The following SULF2 variants were observed in gnomAD, a reference collection of about 807,000 sequenced individuals.
The protein encoded by SULF2 is sulfatase 2.
In SULF2, 52 loss-of-function variants were observed where a neutral mutation model predicts 107.7. The observed-to-expected ratio is 0.48, with a 90% CI of 0.39 to 0.61. The LOEUF is 0.61. SULF2 is among the 20% of genes least tolerant of loss of function. The pLI is 0.00. For synonymous variants in SULF2, 460 were observed against 464.3 expected, an observed-to-expected ratio of 0.99 and a Z score of 0.12; for missense variants, 993 against 1,177.3, an observed-to-expected ratio of 0.84 and a Z score of 2.29.
intron 4 of SULF2, among the ~76,000 whole-genome samples, chr20:47,693,034 A>G (rs989003207): frequency 6.6e-6 from 1 of 152,194 alleles, no homozygotes; most frequent in African/African-American, 2.4e-5. Flanking sequence ...GGAGAAAGTT[A>G]CTTGCTTCTT....
chr20:47,741,835 C>T (rs936049726), intron 2 of SULF2, among the ~76,000 whole-genome samples: 2 of 152,244 alleles, frequency 1.3e-5, no homozygotes, highest in Admixed American at 1.3e-4. Context: ...CAGGCCGTCA[C>T]CTGATGAAAT....
intron 3 of SULF2, among the ~76,000 whole-genome samples, chr20:47,708,500 A>AT: frequency 6.6e-6 from 1 of 152,236 alleles, no homozygotes; most frequent in African/African-American, 2.4e-5. Context: ...CCTTTTGTGC[A>AT]TTTTCCTGGA....
intron 1 of SULF2, among the ~76,000 whole-genome samples, chr20:47,781,909 C>T (rs1269081003): frequency 2.2e-4 from 33 of 152,094 alleles, no homozygotes; most frequent in Non-Finnish European, 4.4e-5. Flanking sequence ...GGCAGAGGAG[C>T]GGTGGATAGG....
At chr20:47,716,600 T>C (rs1364699627) in intron 3 of SULF2, among the ~76,000 whole-genome samples, 1 of 152,218 alleles carries the variant, frequency 6.6e-6, no homozygotes, top group Non-Finnish European at 1.5e-5. Flanking sequence ...ATCTCTTCAA[T>C]GTCTTGTTTA....
Position 47,666,467 on chromosome 20 carries a change from C to A in SULF2, c.1598G>T (p.Arg533Leu). 6.2e-7 allele frequency: 1 copy of A among 1,613,334 alleles called. No individual in the cohort carries two copies. Among genetic ancestry groups the A allele is most frequent in the Non-Finnish European group, 8.5e-7 (1 of 1,179,988 alleles). The change falls in exon 12 of 21, where the codon CGC becomes CTC. Residue 533 changes from arginine (R) to leucine (L), a missense_variant. Arg to Leu is a moderately radical substitution (Grantham distance 102). Around this residue, in one of 3 missense-constraint regions of SULF2, gnomAD observed 497 missense variants for 544.1 expected, o/e 0.91. Transcript: ENST00000688720. The surrounding 1 kb of genome is among the most constrained non-coding windows in gnomAD (Gnocchi z 5.4). ...GGCCACTGAGCGGATGGAGCGACTGCGGACATAGCTGGCCTTGTACTCTGT... is the reference window on the plus strand; with the variant it reads ...GGCCACTGAGCGGATGGAGCGACTGAGGACATAGCTGGCCTTGTACTCTGT... ...FKKKYKASYV[R>L]SRSIRSVAIE...
chr20:47,680,067 T>C lies in SULF2; in HGVS notation c.1065-1263A>G, dbSNP rs60592213. On this transcript the variant is annotated intron_variant, in intron 7 of 20. Coordinates refer to ENST00000688720, the MANE Select transcript of SULF2 (RefSeq NM_001387048.1). The surrounding 1 kb of genome is among the most constrained non-coding windows in gnomAD (Gnocchi z 4.2). ...ACACAGAGGAGCTACTCAGTAAATA[T>C]TGGCTAAGTGAATTCCCATACATCT... Among the ~76,000 whole-genome samples the C allele has an allele frequency of 5.9e-3, 899 of 152,334 alleles. 10 individuals are homozygous for C. Among genetic ancestry groups the C allele is most frequent in the African/African-American group, 0.02 (844 of 41,574 alleles).
intron 2 of SULF2, among the ~76,000 whole-genome samples, chr20:47,750,957 C>T (rs1294717322): frequency 6.6e-6 from 1 of 152,220 alleles, no homozygotes; most frequent in Non-Finnish European, 1.5e-5. Flanking sequence ...AAAATCCCAG[C>T]GATTCTTTTC....
In SULF2 at chr20:47,663,595, C is replaced by A; in HGVS notation, c.2085G>T (p.Val695=). 6.2e-7 allele frequency: 1 copy of A among 1,602,504 alleles called. No individual in the cohort carries two copies. The highest frequency in any genetic ancestry group is 8.5e-7 in the Non-Finnish European group (1 of 1,173,826). The change falls in exon 16 of 21, where the codon GTG becomes GTT. Residue 695 remains valine (V), a synonymous_variant. Transcript: ENST00000688720. ...TGCGCTTCTGCTCCCGCAACAGCCA[C>A]ACCTTGTCCTTCTCTTGCAGGCCCT... ...FRKGLQEKDK[V]WLLREQKRKK...
At chr20:47,682,900 G>A (rs2087874131) in intron 7 of SULF2, 94 bp downstream of exon 7, 1 of 1,285,686 alleles carries the variant, frequency 7.8e-7, no homozygotes. Context: ...AAAACTGTGT[G>A]CCACCCAGGG....
chr20:47,722,928 G>A (rs573079692), intron 3 of SULF2, among the ~76,000 whole-genome samples: 1 of 152,304 alleles, frequency 6.6e-6, no homozygotes, highest in East Asian at 1.9e-4. Flanking sequence ...TTAGCCGGTT[G>A]TGGTGGCATG....
chr20:47,767,231 A>C (rs1259520560), intron 1 of SULF2, among the ~76,000 whole-genome samples: 1 of 152,212 alleles, frequency 6.6e-6, no homozygotes, highest in Non-Finnish European at 1.5e-5. Flanking sequence ...ATGGTTTAAC[A>C]TGCACGGAGA....
At chr20:47,659,332 G>C (rs991014609) in intron 20 of SULF2, 67 bp downstream of exon 20, 3 of 1,417,216 alleles carry the variant, frequency 2.1e-6, no homozygotes, top group Non-Finnish European at 3.0e-6. Flanking sequence ...CATGCAAATA[G>C]AATAGCATTG....
chr20:47,786,498 C>G (rs1249720934), upstream of SULF2: 1 of 152,144 alleles, frequency 6.6e-6, no homozygotes, highest in African/African-American at 2.4e-5. Context: ...AGGCCGGCGC[C>G]GGCCGCGACC....
intron 3 of SULF2, among the ~76,000 whole-genome samples, chr20:47,723,325 G>A (rs1012680713): frequency 3.9e-5 from 6 of 152,118 alleles, no homozygotes; most frequent in African/African-American, 7.2e-5. Context: ...ACATAAAGCC[G>A]GGTGTCATGG....
chr20:47,724,846 G>A (rs149764398), intron 3 of SULF2, among the ~76,000 whole-genome samples: 32 of 152,302 alleles, frequency 2.1e-4, no homozygotes, highest in Admixed American at 1.7e-3. Flanking sequence ...AGCGCCATCA[G>A]ACTGACCTCC....
chr20:47,756,413 T>C (rs967662177), intron 2 of SULF2, among the ~76,000 whole-genome samples: 5 of 152,194 alleles, frequency 3.3e-5, no homozygotes, highest in African/African-American at 1.2e-4. Flanking sequence ...ATACAAAGCA[T>C]TGCAAGGAAC....
rs989824739 is a variant in SULF2 at position 47,678,593 on chromosome 20, G to A, written c.1193+83C>T. The stretch of plus-strand genomic sequence containing the variant: ...AGCTCCCGACCCTTGGAGACCCCAC[G>A]TTCTAGACCCACAGGGTTTTGCTCT... On this transcript the variant is annotated intron_variant, in intron 8 of 20. Coordinates refer to ENST00000688720, the MANE Select transcript of SULF2 (RefSeq NM_001387048.1). This position sits in a 1 kb window ranked among gnomAD's most constrained non-coding sequence, Gnocchi z 4.5. 1.9e-5 allele frequency: 29 copies of A among 1,564,624 alleles called. No individual in the cohort carries two copies. The Middle Eastern group carries it at 6.7e-4, about 36-fold the overall frequency.
chr20:47,698,318 G>A (rs976739649), intron 4 of SULF2, among the ~76,000 whole-genome samples: 1 of 152,188 alleles, frequency 6.6e-6, no homozygotes, highest in Non-Finnish European at 1.5e-5. Flanking sequence ...CTCAGGAGTG[G>A]AGCATGTGAC....
At chr20:47,733,147 A>C (rs1381809404) in intron 3 of SULF2, among the ~76,000 whole-genome samples, 2 of 152,244 alleles carry the variant, frequency 1.3e-5, no homozygotes, top group African/African-American at 4.8e-5. Flanking sequence ...CAAAAAACAC[A>C]TGCAAATCCA....
Sources: gnomAD v4.1 joint callset for allele counts (sites outside exome capture counted in the v4.1 genomes callset) on GRCh38, gnomAD v4.1.1 for gene constraint, gnomAD v4.1.1 regional missense constraint, Gnocchi (gnomAD v3.1) non-coding constraint, MANE v1.5 for transcripts, NCBI Gene and HGNC (gene_info 2026-07-23, HGNC 2026-07-21) for gene names.